The following FBXO8 variants were observed in gnomAD, a reference collection of about 807,000 sequenced individuals.
FBXO8 encodes the protein F-box protein 8, also known as F-box only protein 8.
A neutral mutation model predicts 33.4 loss-of-function variants in FBXO8; 15 were observed. The observed-to-expected ratio is 0.45, with a 90% confidence interval of 0.30 to 0.69. The LOEUF (loss-of-function observed/expected upper bound fraction) is 0.69. Among genes scored for constraint, FBXO8 ranks in the 30% least tolerant of loss-of-function variants. The probability of loss-of-function intolerance (pLI) is 0.08; values close to 1 mark genes in which losing one functional copy is unlikely to be tolerated. For missense variants in FBXO8, 274 were observed against 380.3 expected (o/e 0.72, Z 2.32); for synonymous variants, 132 against 131.5 (o/e 1.00, Z -0.02).
chr4:174,259,654 A>T lies in FBXO8; in HGVS notation c.456+45T>A. 1 of 1,584,972 alleles carries T rather than the reference A, an allele frequency of 6.3e-7. No individual in the cohort carries two copies. The highest frequency in any genetic ancestry group is 8.5e-7 in the Non-Finnish European group (1 of 1,170,934). Reference sequence around the variant, plus strand: ...TGATATTGGAAAGCTGCAGCAAGATAGTAATAAAGGTCACTGGATACAAAT... The same window carrying T: ...TGATATTGGAAAGCTGCAGCAAGATTGTAATAAAGGTCACTGGATACAAAT... On this transcript the variant is annotated intron_variant, in intron 3 of 5. Transcript: ENST00000393674. The surrounding 1 kb of genome is among the most constrained non-coding windows in gnomAD (Gnocchi z 4.3).
At position 174,245,735 on chromosome 4, in the gene FBXO8, AAAAT is replaced by A. The variant is rs932666952; in HGVS notation, c.457-4521_457-4518del. Among the ~76,000 whole-genome samples the A allele has an allele frequency of 5.9e-5, 9 of 152,046 alleles. No homozygotes were observed. The highest frequency in any genetic ancestry group is 2.1e-4 in the South Asian group (1 of 4,824). On this transcript the variant is annotated intron_variant, in intron 3 of 5. Coordinates refer to ENST00000393674, the MANE Select transcript of FBXO8 (RefSeq NM_012180.3). The surrounding 1 kb of genome is among the most constrained non-coding windows in gnomAD (Gnocchi z 4.6). ...CAGCGGAGCACTCACTTAAAAAATAAAAATAAATAGATAGCGGGCTATACAACTG... is the reference window on the plus strand; with the variant it reads ...CAGCGGAGCACTCACTTAAAAAATAAAAATAGATAGCGGGCTATACAACTG...
In FBXO8 at chr4:174,254,582, T is replaced by C. The variant is rs1736376744; in HGVS notation, c.456+5117A>G. ...TTTGACACAGATATATTTATCAATATGTACAGGCAGTTATTTGAATTCAAT... is the reference window on the plus strand; with the variant it reads ...TTTGACACAGATATATTTATCAATACGTACAGGCAGTTATTTGAATTCAAT... On this transcript the variant is annotated intron_variant, in intron 3 of 5. Coordinates refer to ENST00000393674, the MANE Select transcript of FBXO8 (RefSeq NM_012180.3). This position sits in a 1 kb window ranked among gnomAD's most constrained non-coding sequence, Gnocchi z 4.2. Among the ~76,000 whole-genome samples, 1 of 152,210 alleles carries C rather than the reference T, an allele frequency of 6.6e-6. No individual in the cohort carries two copies.
chr4:174,244,558 C>G (rs1278618871), intron 3 of FBXO8, among the ~76,000 whole-genome samples: 1 of 151,590 alleles, frequency 6.6e-6, no homozygotes, highest in Admixed American at 6.6e-5. Context: ...TTGTTGCAGT[C>G]ATAATGTAGT....
At position 174,241,006 on chromosome 4, in the gene FBXO8, T is replaced by A; in HGVS notation, c.575+94A>T. 1 of 619,316 alleles carries A rather than the reference T, an allele frequency of 1.6e-6. No individual in the cohort carries two copies. The highest frequency in any genetic ancestry group is 2.7e-6 in the Non-Finnish European group (1 of 370,790). 38.4% of individuals were successfully genotyped at this position (619,316 alleles called of 1,614,324 possible). A position where few individuals can be genotyped will look rare whatever the true frequency, so the allele number is the denominator to read the frequency against. The stretch of plus-strand genomic sequence containing the variant: ...GTCTTTATTCAATTTTGCAACCAGA[T>A]GATTACTATGCAGTATTAGTTTTAA... On this transcript the variant is annotated intron_variant, in intron 4 of 5. Transcript: ENST00000393674. This position sits in a 1 kb window ranked among gnomAD's most constrained non-coding sequence, Gnocchi z 4.2.
chr4:174,264,633 T>C (rs1164566839), intron 1 of FBXO8, among the ~76,000 whole-genome samples: 1 of 152,028 alleles, frequency 6.6e-6, no homozygotes, highest in Non-Finnish European at 1.5e-5. Flanking sequence ...TATACAGGTA[T>C]GGTGGGGAGG....
chr4:174,266,917 A>C (rs1300212869), intron 1 of FBXO8, among the ~76,000 whole-genome samples: 4 of 152,244 alleles, frequency 2.6e-5, no homozygotes, highest in African/African-American at 9.6e-5. Flanking sequence ...AGTGAAAATA[A>C]GCACTTTCAT....
intron 1 of FBXO8, among the ~76,000 whole-genome samples, chr4:174,273,313 T>C (rs1247841563): frequency 1.1e-5 from 1 of 87,910 alleles, no homozygotes; most frequent in Non-Finnish European, 2.5e-5. Context: ...AATGCCAATG[T>C]CATAAAAGTT....
rs146015647 is a variant in FBXO8, at chr4:174,265,680, G to T, written c.-8-2580C>A. ...GCAAAACTATGGAGACAGTAGAAAT[G>T]ATCAACGTACAAAAAATAGAGAATG... On this transcript the variant is annotated intron_variant, in intron 1 of 5. Transcript: ENST00000393674. This position sits in a 1 kb window ranked among gnomAD's most constrained non-coding sequence, Gnocchi z 4.7. Among the ~76,000 whole-genome samples the T allele has an allele frequency of 6.6e-5, 10 of 152,122 alleles. 1 individual carries two copies. The East Asian group carries it at 1.9e-3, about 29-fold the overall frequency.
Position 174,262,716 on chromosome 4 carries a change from G to C in FBXO8, c.329+48C>G. ...CATTATAAAAAGAACATTGAAGCAT[G>C]ATTATGTTTAGAGATACCTGAATTC... is the stretch of plus-strand genomic sequence containing the variant. On this transcript the variant is annotated intron_variant, in intron 2 of 5. Coordinates refer to ENST00000393674, the MANE Select transcript of FBXO8 (RefSeq NM_012180.3). The surrounding 1 kb of genome is among the most constrained non-coding windows in gnomAD (Gnocchi z 4.6). 6.7e-7 allele frequency: 1 copy of C among 1,484,562 alleles called. No individual in the cohort carries two copies. The highest frequency in any genetic ancestry group is 9.3e-7 in the Non-Finnish European group (1 of 1,072,064). 92.0% of individuals were successfully genotyped at this position (1,484,562 alleles called of 1,614,324 possible). A position where few individuals can be genotyped will look rare whatever the true frequency, so the allele number is the denominator to read the frequency against.
At chr4:174,239,774 T>C (rs1033967435) in intron 4 of FBXO8, among the ~76,000 whole-genome samples, 2 of 151,874 alleles carry the variant, frequency 1.3e-5, no homozygotes, top group Non-Finnish European at 2.9e-5. Flanking sequence ...AACAATCCTA[T>C]TGATATACAT....
rs1381705498 is a variant in FBXO8 at position 174,247,532 on chromosome 4, T to C, written c.457-6314A>G. On this transcript the variant is annotated intron_variant, in intron 3 of 5. Coordinates refer to ENST00000393674, the MANE Select transcript of FBXO8 (RefSeq NM_012180.3). This position sits in a 1 kb window ranked among gnomAD's most constrained non-coding sequence, Gnocchi z 4.6. The stretch of plus-strand genomic sequence containing the variant: ...TGAAGACTTTAAAAATAGTAATACT[T>C]AAACAATATAGCTCAATCTAGATTT... Among the ~76,000 whole-genome samples, 1 of 152,038 alleles carries C rather than the reference T, an allele frequency of 6.6e-6. No individual in the cohort carries two copies. The highest frequency in any genetic ancestry group is 1.5e-5 in the Non-Finnish European group (1 of 67,966).
rs1314203949 is a variant in FBXO8, at chr4:174,263,366, A to T, written c.-8-266T>A. Among the ~76,000 whole-genome samples, 7 of 152,082 alleles carry T rather than the reference A, an allele frequency of 4.6e-5. No individual in the cohort carries two copies. Among genetic ancestry groups the T allele is most frequent in the Non-Finnish European group, 7.4e-5 (5 of 68,024 alleles). On this transcript the variant is annotated intron_variant, in intron 1 of 5. Coordinates refer to ENST00000393674, the MANE Select transcript of FBXO8 (RefSeq NM_012180.3). This position sits in a 1 kb window ranked among gnomAD's most constrained non-coding sequence, Gnocchi z 4.2. Reference sequence around the variant, plus strand: ...TCTAAAGTCCATATGTGACATAATCATTTTTCACGTGGTAAGATTTAAAAG... The same window carrying T: ...TCTAAAGTCCATATGTGACATAATCTTTTTTCACGTGGTAAGATTTAAAAG...
chr4:174,249,455 A>G (rs1178249181), intron 3 of FBXO8, among the ~76,000 whole-genome samples: 1 of 152,034 alleles, frequency 6.6e-6, no homozygotes, highest in Non-Finnish European at 1.5e-5. Flanking sequence ...TCACATACAA[A>G]TACTGGATTT....
Position 174,237,162 on chromosome 4 carries a change from A to G in FBXO8, c.*250T>C. On this transcript the variant is annotated 3_prime_UTR_variant, in exon 6 of 6. Transcript: ENST00000393674. This position sits in a 1 kb window ranked among gnomAD's most constrained non-coding sequence, Gnocchi z 4.4. ...TAATGTCAGTTTATCATTCGTTAACAGCTGTGTTAGACAGTGGCTCTGCTT... is the reference window on the plus strand; with the variant it reads ...TAATGTCAGTTTATCATTCGTTAACGGCTGTGTTAGACAGTGGCTCTGCTT... 5.3e-6 allele frequency: 2 copies of G among 375,360 alleles called. No homozygotes were observed. Among genetic ancestry groups the G allele is most frequent in the South Asian group, 1.5e-4 (2 of 13,136 alleles). The allele number at this position is 375,360 out of a possible 1,614,324, so 23.3% of individuals were successfully genotyped here. A position where few individuals can be genotyped will look rare whatever the true frequency, so the allele number is the denominator to read the frequency against.
Position 174,245,986 on chromosome 4 carries a change from GATGAC to G in FBXO8, c.457-4773_457-4769del, listed in dbSNP as rs1736148958. On this transcript the variant is annotated intron_variant, in intron 3 of 5. Transcript: ENST00000393674. The surrounding 1 kb of genome is among the most constrained non-coding windows in gnomAD (Gnocchi z 4.6). ...CTTTTAGACATGTTGAATTTTAGGTGATGACAGATATAACTAGAAAGGCATAGTAG... is the reference window on the plus strand; with the variant it reads ...CTTTTAGACATGTTGAATTTTAGGTGAGATATAACTAGAAAGGCATAGTAG... Among the ~76,000 whole-genome samples, 2 of 151,914 alleles carry G rather than the reference GATGAC, an allele frequency of 1.3e-5. No individual in the cohort carries two copies. The highest frequency in any genetic ancestry group is 4.8e-5 in the African/African-American group (2 of 41,404).
chr4:174,255,994 T>C lies in FBXO8; in HGVS notation c.456+3705A>G. ...ACATACAGCTGAGATCACAATGTCA[T>C]GCATAGTACAACAGCGTGCCAGATT... On this transcript the variant is annotated intron_variant, in intron 3 of 5. Transcript: ENST00000393674. This position sits in a 1 kb window ranked among gnomAD's most constrained non-coding sequence, Gnocchi z 4.3. 1 of 438,774 alleles carries C rather than the reference T, an allele frequency of 2.3e-6. No individual in the cohort carries two copies. The highest frequency in any genetic ancestry group is 4.6e-6 in the Non-Finnish European group (1 of 218,670). 27.2% of individuals were successfully genotyped at this position (438,774 alleles called of 1,614,324 possible).
intron 3 of FBXO8, among the ~76,000 whole-genome samples, chr4:174,249,589 AAAC>A (rs1434120589): frequency 6.6e-6 from 1 of 152,040 alleles, no homozygotes; most frequent in African/African-American, 2.4e-5. Flanking sequence ...GTTTTAAAGT[AAAC>A]AACATTTTTA....
In FBXO8 at chr4:174,237,749, C is replaced by T; in HGVS notation, c.773-150G>A. ...ACCAATCCATCCCAGTTTGTCTAGA[C>T]TCTTCCCAGTTTTGCACTGAAAGTC... On this transcript the variant is annotated intron_variant, in intron 5 of 5. Transcript: ENST00000393674. This position sits in a 1 kb window ranked among gnomAD's most constrained non-coding sequence, Gnocchi z 4.4. The T allele has an allele frequency of 1.5e-6, 1 of 684,822 alleles. No individual in the cohort carries two copies. The highest frequency in any genetic ancestry group is 2.3e-5 in the South Asian group (1 of 43,150). The allele number at this position is 684,822 out of a possible 1,614,324, so 42.4% of individuals were successfully genotyped here. A position where few individuals can be genotyped will look rare whatever the true frequency, so the allele number is the denominator to read the frequency against.
Position 174,267,358 on chromosome 4 carries a change from T to C in FBXO8, c.-8-4258A>G, listed in dbSNP as rs1411215907. Among the ~76,000 whole-genome samples the C allele has an allele frequency of 6.6e-6, 1 of 152,084 alleles. No individual in the cohort carries two copies. Among genetic ancestry groups the C allele is most frequent in the Non-Finnish European group, 1.5e-5 (1 of 67,994 alleles). The stretch of plus-strand genomic sequence containing the variant: ...TGAGACCAAGAGTTCAAGACCAGAC[T>C]GGGCAACATAGACCCCGTTTCAACA... On this transcript the variant is annotated intron_variant, in intron 1 of 5. Transcript: ENST00000393674. This position sits in a 1 kb window ranked among gnomAD's most constrained non-coding sequence, Gnocchi z 4.7.
Sources: allele counts gnomAD v4.1 joint callset (sites outside exome capture counted in the v4.1 genomes callset), GRCh38; gene constraint gnomAD v4.1.1; non-coding constraint Gnocchi (gnomAD v3.1); transcripts MANE v1.5; gene names NCBI Gene and HGNC (gene_info 2026-07-23, HGNC 2026-07-21).